RRM2: variants seen among roughly 807,000 people sequenced by gnomAD.
The protein encoded by RRM2 is ribonucleoside-diphosphate reductase subunit M2.
A neutral mutation model predicts 45.9 loss-of-function variants in RRM2; 6 were observed. That is an observed-to-expected ratio of 0.13 (90% CI 0.07 to 0.26). RRM2 has a LOEUF of 0.26. Ranked by LOEUF, RRM2 falls within the 10% of genes least tolerant of loss-of-function variation. The pLI is 1.00. For synonymous variants in RRM2, 177 were observed against 173.0 expected, an observed-to-expected ratio of 1.02 and a Z score of -0.18; for missense variants, 343 against 489.5, an observed-to-expected ratio of 0.70 and a Z score of 2.82.
downstream of RRM2, among the ~76,000 whole-genome samples, chr2:10,134,132 T>G (rs1046651254): frequency 2.9e-5 from 4 of 138,776 alleles, no homozygotes; most frequent in Non-Finnish European, 3.0e-5. Context: ...GAGCTGAGAT[T>G]GCACTCCAGC....
At chr2:10,164,816 CTGGGATG>C (rs1277332515) in intron 3 of RRM2, among the ~76,000 whole-genome samples, 2 of 152,198 alleles carry the variant, frequency 1.3e-5, no homozygotes, top group Non-Finnish European at 2.9e-5. Flanking sequence ...TGCAGTCCAT[CTGGGATG>C]TGAGGCTACT....
At chr2:10,128,715 TGA>T (rs1195327830) in intron 7 of RRM2, 131 bp from the exon 8 acceptor site, 5 of 675,836 alleles carry the variant, frequency 7.4e-6, no homozygotes, top group Admixed American at 5.0e-5. Flanking sequence ...ATCTTCCCTT[TGA>T]GAGTTCAAGT....
chr2:10,210,448 T>C (rs770357854), exon 4 of RRM2: 1 of 1,367,844 alleles, frequency 7.3e-7, no homozygotes, highest in East Asian at 4.6e-5. Flanking sequence ...GGAGCGACCC[T>C]GTTTCAGAAT....
intron 3 of RRM2, among the ~76,000 whole-genome samples, chr2:10,152,146 C>T (rs1422343143): frequency 2.0e-5 from 3 of 152,138 alleles, no homozygotes; most frequent in Non-Finnish European, 4.4e-5. Flanking sequence ...GACAAGCTTT[C>T]ACCATGTTAG....
chr2:10,206,449 A>T (rs1451493626), intron 3 of RRM2, among the ~76,000 whole-genome samples: 1 of 152,218 alleles, frequency 6.6e-6, no homozygotes. Context: ...TGGAATGTAT[A>T]GCTTGGATAC....
chr2:10,184,242 G>A (rs868621719), intron 3 of RRM2, among the ~76,000 whole-genome samples: 3 of 152,066 alleles, frequency 2.0e-5, no homozygotes, highest in African/African-American at 4.8e-5. Flanking sequence ...GACCAGCACC[G>A]GCCTGGTAGT....
Position 10,122,871 on chromosome 2 carries a change from C to A in RRM2, c.73C>A (p.Leu25Ile). ...QQLQLSPLKG[L>I]SLVDKENTPP... The stretch of plus-strand genomic sequence containing the variant: ...GCTGCAGCTCTCGCCGCTGAAGGGG[C>A]TCAGCTTGGTCGACAAGGAGAACAC... Residue 25 changes from leucine to isoleucine, a missense_variant, in exon 1 of 10, where the codon CTC becomes ATC. Coordinates refer to ENST00000304567, the MANE Select transcript of RRM2 (RefSeq NM_001034.4). The A allele has an allele frequency of 6.3e-7, 1 of 1,598,454 alleles. No individual in the cohort carries two copies.
chr2:10,207,841 C>T lies in RRM2; in HGVS notation n.483-2470C>T, dbSNP rs138484258. Among the ~76,000 whole-genome samples, 410 of 152,150 alleles carry T rather than the reference C, an allele frequency of 2.7e-3. 1 individual carries two copies. The highest frequency in any genetic ancestry group is 4.6e-3 in the Non-Finnish European group (316 of 68,010). On this transcript the variant is annotated intron_variant and non_coding_transcript_variant, in intron 3 of 3. Coordinates refer to the RRM2 transcript ENST00000381786. ...TGTAGTTAGTTATAGTCTGGATCCT[C>T]CTTTGGATTTTAAGTTCCTATAGGT...
intron 3 of RRM2, among the ~76,000 whole-genome samples, chr2:10,200,460 CCG>C (rs1664531976): frequency 6.1e-5 from 5 of 82,414 alleles, no homozygotes; most frequent in South Asian, 4.1e-4. Flanking sequence ...CCCACAGGGA[CCG>C]CGCGCGCAAA....
At chr2:10,188,369 C>G (rs1664214493) in intron 3 of RRM2, among the ~76,000 whole-genome samples, 1 of 152,202 alleles carries the variant, frequency 6.6e-6, no homozygotes, top group Non-Finnish European at 1.5e-5. Context: ...CTAGTGGGGC[C>G]TCTCTTCCTG....
intron 3 of RRM2, among the ~76,000 whole-genome samples, chr2:10,177,695 CT>C (rs1292494882): frequency 1.5e-4 from 23 of 149,644 alleles, no homozygotes; most frequent in African/African-American, 5.1e-4. Context: ...TCCTTCCTTC[CT>C]TCCTTCCTTC....
chr2:10,148,792 T>C (rs994729129), intron 3 of RRM2, among the ~76,000 whole-genome samples: 1 of 152,256 alleles, frequency 6.6e-6, no homozygotes, highest in Non-Finnish European at 1.5e-5. Context: ...TCTTGAATGA[T>C]ATCTTTAAAT....
At position 10,167,927 on chromosome 2, in the gene RRM2, T is replaced by C. The variant is rs200745765; in HGVS notation, n.482+25552T>C. Among the ~76,000 whole-genome samples, 5 of 152,214 alleles carry C rather than the reference T, an allele frequency of 3.3e-5. No individual in the cohort carries two copies. The East Asian group carries it at 9.6e-4, about 29-fold the overall frequency. On this transcript the variant is annotated intron_variant and non_coding_transcript_variant, in intron 3 of 3. Coordinates refer to the RRM2 transcript ENST00000381786. The stretch of plus-strand genomic sequence containing the variant: ...GGAGACAGCTCTAAAGCATGCAAAC[T>C]ATAGTGTCAGGAGGAAAAGCTCTTC...
exon 2 of RRM2, chr2:10,141,939 A>G (rs1365640516): frequency 1.9e-6 from 3 of 1,577,020 alleles, no homozygotes; most frequent in Non-Finnish European, 2.6e-6. Flanking sequence ...GAGACCAATC[A>G]CCCACCCAGT....
intron 3 of RRM2, among the ~76,000 whole-genome samples, chr2:10,202,940 C>T (rs531036251): frequency 1.3e-5 from 2 of 152,300 alleles, no homozygotes; most frequent in South Asian, 2.1e-4. Flanking sequence ...TGCGATCATC[C>T]AGAACAACAC....
At chr2:10,209,061 T>TTTCTTTCTTTCTTTC (rs1558409781) in intron 3 of RRM2, among the ~76,000 whole-genome samples, 12 of 80,076 alleles carry the variant, frequency 1.5e-4, no homozygotes, top group East Asian at 4.4e-4. Flanking sequence ...TTCTTTCTTT[T>TTTCTTTCTTTCTTTC]TTTTTTTTTT....
chr2:10,129,079 G>A lies in RRM2; in HGVS notation c.942G>A (p.Gly314=), dbSNP rs773312662. 6.2e-7 allele frequency: 1 copy of A among 1,614,220 alleles called. No homozygotes were observed. The highest frequency in any genetic ancestry group is 1.1e-5 in the South Asian group (1 of 91,080). The change falls in exon 9 of 10, where the codon GGG becomes GGA. Residue 314 remains glycine (G), a synonymous_variant. Transcript: ENST00000304567. The surrounding 1 kb of genome is among the most constrained non-coding windows in gnomAD (Gnocchi z 4.8). The part of the protein sequence containing the change: ...LTEALPVKLI[G]MNCTLMKQYI... Reference sequence around the variant, plus strand: ...AGGCCTTGCCTGTGAAGCTCATTGGGATGAATTGCACTCTAATGAAGCAAT... The same window carrying A: ...AGGCCTTGCCTGTGAAGCTCATTGGAATGAATTGCACTCTAATGAAGCAAT...
intron 3 of RRM2, among the ~76,000 whole-genome samples, chr2:10,170,422 G>A (rs546874947): frequency 1.3e-5 from 2 of 152,290 alleles, no homozygotes; most frequent in East Asian, 1.9e-4. Context: ...GCTCGTGGGC[G>A]CTGGAACCAG....
At position 10,191,522 on chromosome 2, in the gene RRM2, A is replaced by C. The variant is rs561800084; in HGVS notation, n.483-18789A>C. ...CCTGTGAGCGGCTGGGCAGAGTGGGAATGGGTGCTGTCAGCTGGGTGCACA... is the reference window on the plus strand; with the variant it reads ...CCTGTGAGCGGCTGGGCAGAGTGGGCATGGGTGCTGTCAGCTGGGTGCACA... On this transcript the variant is annotated intron_variant and non_coding_transcript_variant, in intron 3 of 3. Coordinates refer to the RRM2 transcript ENST00000381786. Among the ~76,000 whole-genome samples the C allele has an allele frequency of 2.2e-4, 33 of 152,136 alleles. 2 individuals carry two copies. The South Asian group carries it at 5.6e-3, about 26-fold the overall frequency.
Sources: allele counts gnomAD v4.1 joint callset (sites outside exome capture counted in the v4.1 genomes callset), GRCh38; gene constraint gnomAD v4.1.1; non-coding constraint Gnocchi (gnomAD v3.1); transcripts MANE v1.5; gene names NCBI Gene and HGNC (gene_info 2026-07-23, HGNC 2026-07-21).